The following SLC33A1 variants were observed in gnomAD, a reference collection of about 807,000 sequenced individuals.
SLC33A1 encodes acetyl-coenzyme A transporter 1.
In SLC33A1, 20 loss-of-function variants were observed where a neutral mutation model predicts 50.0. That is an observed-to-expected ratio of 0.40 (90% CI 0.28 to 0.58). SLC33A1 has a LOEUF of 0.58. Ranked by LOEUF, SLC33A1 falls within the 20% of genes least tolerant of loss-of-function variation. The probability of loss-of-function intolerance (pLI) is 0.44; values close to 1 mark genes in which losing one functional copy is unlikely to be tolerated. For missense variants in SLC33A1, 476 were observed against 657.0 expected (o/e 0.72, Z 3.01); for synonymous variants, 265 against 251.8 (o/e 1.05, Z -0.50).
chr3:155,842,583 G>T lies in SLC33A1; in HGVS notation c.812C>A (p.Thr271Lys). 1 of 1,587,160 alleles carries T rather than the reference G, an allele frequency of 6.3e-7. No individual in the cohort carries two copies. Among genetic ancestry groups the T allele is most frequent in the South Asian group, 1.2e-5 (1 of 85,158 alleles). Residue 271 changes from threonine (T) to lysine (K), a missense_variant, in exon 2 of 6, where the codon ACA (threonine) becomes AAA (lysine). By Grantham distance (78) the Thr-to-Lys change is moderately conservative. Coordinates refer to ENST00000643144, the MANE Select transcript of SLC33A1 (RefSeq NM_004733.4). ...TTTCAGAAGGGCAACCAATGTTGTT[G>T]TTATTAAAAATACAGTTCCCCAGAA... ...LFFWGTVFLI[T>K]TTLVALLKKE...
intron 1 of SLC33A1, among the ~76,000 whole-genome samples, chr3:155,843,157 A>G (rs1752997047): frequency 6.6e-6 from 1 of 152,176 alleles, no homozygotes; most frequent in Admixed American, 6.5e-5. Context: ...GGGGGTGGTG[A>G]GACATTACAT....
At chr3:155,834,884 G>A (rs1752587691) in intron 2 of SLC33A1, among the ~76,000 whole-genome samples, 1 of 152,066 alleles carries the variant, frequency 6.6e-6, no homozygotes, top group Non-Finnish European at 1.5e-5. Flanking sequence ...CCATTCTACA[G>A]CATAATTGGC....
chr3:155,853,925 T>C lies in SLC33A1; in HGVS notation c.73A>G (p.Met25Val), dbSNP rs1753521036. 1.9e-6 allele frequency: 3 copies of C among 1,541,490 alleles called. No homozygotes were observed. Among genetic ancestry groups the C allele is most frequent in the Middle Eastern group, 1.8e-4 (1 of 5,710 alleles). Reference protein sequence around the residue: ...RPGNFSHSLDMKSGPLPPGGW... With the variant: ...RPGNFSHSLDVKSGPLPPGGW... ...CCTGGCGGCAGGGGACCGCTCTTCA[T>C]ATCCAGAGAGTGACTGAAATTCCCT... The change falls in exon 1 of 6, where the codon ATG becomes GTG. Residue 25 changes from methionine to valine, a missense_variant. Met to Val is a conservative substitution (Grantham distance 21). Transcript: ENST00000643144.
intron 1 of SLC33A1, chr3:155,844,610 C>T (rs867665682): frequency 1.3e-5 from 2 of 150,908 alleles, no homozygotes; most frequent in African/African-American, 4.9e-5. Context: ...AGATTACAGG[C>T]ATGTGTGCCA....
At chr3:155,834,651 T>C (rs1752579674) in intron 2 of SLC33A1, among the ~76,000 whole-genome samples, 1 of 152,182 alleles carries the variant, frequency 6.6e-6, no homozygotes, top group Non-Finnish European at 1.5e-5. Context: ...TATCTCCCCA[T>C]GAGTCAGTTT....
chr3:155,848,314 T>C (rs934119273), intron 1 of SLC33A1, among the ~76,000 whole-genome samples: 2 of 152,188 alleles, frequency 1.3e-5, no homozygotes, highest in Admixed American at 1.3e-4. Flanking sequence ...GACATGTTTT[T>C]ATATGAGCCT....
chr3:155,853,753 TAAAG>T lies in SLC33A1; in HGVS notation c.241_244del (p.Leu81ThrfsTer70). On this transcript the variant is annotated frameshift_variant, in exon 1 of 6. Coordinates refer to ENST00000643144, the MANE Select transcript of SLC33A1 (RefSeq NM_004733.4). LOFTEE classifies it high-confidence loss of function. ...GCCCAGGGGAATACCCTGAAGCACGTAAAGAAAGAGTAGTAGCAAAATGCTGCTT... is the reference window on the plus strand; with the variant it reads ...GCCCAGGGGAATACCCTGAAGCACGTAAAGAGTAGTAGCAAAATGCTGCTT... The T allele has an allele frequency of 6.2e-7, 1 of 1,613,928 alleles. No homozygotes were observed. The highest frequency in any genetic ancestry group is 1.1e-5 in the South Asian group (1 of 91,082).
chr3:155,846,869 T>A (rs1261530574), intron 1 of SLC33A1, among the ~76,000 whole-genome samples: 1 of 152,166 alleles, frequency 6.6e-6, no homozygotes, highest in African/African-American at 2.4e-5. Context: ...TGTGTCTTCC[T>A]AAAGAATTCA....
rs1400178912 is a variant in SLC33A1 at position 155,853,618 on chromosome 3, G to T, written c.380C>A (p.Pro127Gln). The T allele has an allele frequency of 2.5e-6, 4 of 1,614,156 alleles. No individual in the cohort carries two copies. The highest frequency in any genetic ancestry group is 3.4e-6 in the Non-Finnish European group (4 of 1,180,026). Residue 127 changes from proline (P) to glutamine (Q), a missense_variant, in exon 1 of 6, where the codon CCG becomes CAG. Coordinates refer to ENST00000643144, the MANE Select transcript of SLC33A1 (RefSeq NM_004733.4). ...CTTAACGTAGACCGCATCAACCAAC[G>T]GGGCCCAGAGTAATTTGAGACTGAA... ...WPFSLKLLWA[P>Q]LVDAVYVKNF...
chr3:155,832,105 C>G (rs1290843209), intron 4 of SLC33A1, among the ~76,000 whole-genome samples: 1 of 152,194 alleles, frequency 6.6e-6, no homozygotes, highest in Non-Finnish European at 1.5e-5. Flanking sequence ...GGGCCAGGCG[C>G]GGTGGCTCAT....
intron 2 of SLC33A1, among the ~76,000 whole-genome samples, chr3:155,838,980 C>G (rs2107968827): frequency 6.6e-6 from 1 of 151,032 alleles, no homozygotes; most frequent in African/African-American, 2.5e-5. Flanking sequence ...TGGTGAAACT[C>G]TGTCTCTACT....
chr3:155,849,416 G>A (rs1339457585), intron 1 of SLC33A1, among the ~76,000 whole-genome samples: 1 of 151,988 alleles, frequency 6.6e-6, no homozygotes, highest in East Asian at 1.9e-4. Flanking sequence ...AAAGAACAAT[G>A]TTATAAATGT....
In SLC33A1 at chr3:155,842,545, C is replaced by T. The variant is rs377484298; in HGVS notation, c.850G>A (p.Val284Ile). ...LVALLKKENE[V>I]SVVKEETQGI... ...TGTGTTTCTTCTTTTACTACTGATA[C>T]TTCGTTTTCTTTTTTCAGAAGGGCA... Residue 284 changes from valine (V) to isoleucine (I), a missense_variant, in exon 2 of 6, where the codon GTA (valine) becomes ATA (isoleucine). Transcript: ENST00000643144. 19 of 1,605,126 alleles carry T rather than the reference C, an allele frequency of 1.2e-5. No individual in the cohort carries two copies. The African/African-American group carries it at 2.3e-4, about 19-fold the overall frequency.
At chr3:155,838,810 A>G (rs931935996) in intron 2 of SLC33A1, among the ~76,000 whole-genome samples, 3 of 151,916 alleles carry the variant, frequency 2.0e-5, no homozygotes, top group African/African-American at 7.3e-5. Context: ...TGACCATGCC[A>G]CAGCACTCCA....
chr3:155,846,073 G>A (rs577913115), intron 1 of SLC33A1, among the ~76,000 whole-genome samples: 17 of 152,286 alleles, frequency 1.1e-4, no homozygotes, highest in Non-Finnish European at 2.2e-4. Context: ...GTGCTTTCAC[G>A]AATGCAGAAA....
At chr3:155,852,824 T>C (rs1301856691) in intron 1 of SLC33A1, among the ~76,000 whole-genome samples, 2 of 152,202 alleles carry the variant, frequency 1.3e-5, no homozygotes, top group Admixed American at 1.3e-4. Context: ...ACTAGAAGGC[T>C]GGATTCTGGG....
rs778432020 is a variant in SLC33A1 at position 155,829,678 on chromosome 3, A to G, written c.1482+10T>C. On this transcript the variant is annotated intron_variant, in intron 5 of 5. Coordinates refer to ENST00000643144, the MANE Select transcript of SLC33A1 (RefSeq NM_004733.4). ...TAGCTTAATGTTATCTAAAATTAAA[A>G]CATACTTACCTCAACAGCATCAGGT... 8.2e-6 allele frequency: 13 copies of G among 1,588,802 alleles called. No homozygotes were observed. The Admixed American group carries it at 1.8e-4, about 22-fold the overall frequency.
rs1333507231 is a variant in SLC33A1, at chr3:155,854,097, C to T, written c.-100G>A. On this transcript the variant is annotated 5_prime_UTR_variant, in exon 1 of 6. Transcript: ENST00000643144. ...AGGCTGTCGCGCTGGACCAGGGTTT[C>T]GGTGGTTCACGGGATGGTGGCAGGG... is the stretch of plus-strand genomic sequence containing the variant. 2.2e-6 allele frequency: 2 copies of T among 920,624 alleles called. No homozygotes were observed. The highest frequency in any genetic ancestry group is 1.7e-5 in the African/African-American group (1 of 60,480). 57.0% of individuals were successfully genotyped at this position (920,624 alleles called of 1,614,324 possible).
Position 155,853,416 on chromosome 3 carries a change from G to T in SLC33A1, c.582C>A (p.Asp194Glu), listed in dbSNP as rs1450171977. ...FLFEFLAATQ[D>E]IAVDGWALTM... The stretch of plus-strand genomic sequence containing the variant: ...TTAACGCCCAACCATCGACGGCAAT[G>T]TCCTGAGTGGCGGCCAAGAATTCAA... The change falls in exon 1 of 6, where the codon GAC becomes GAA. Residue 194 changes from aspartate (D) to glutamate (E), a missense_variant. Transcript: ENST00000643144. 3 of 1,614,080 alleles carry T rather than the reference G, an allele frequency of 1.9e-6. No homozygotes were observed. Among genetic ancestry groups the T allele is most frequent in the Non-Finnish European group, 2.5e-6 (3 of 1,180,034 alleles).
Sources: allele counts gnomAD v4.1 joint callset (sites outside exome capture counted in the v4.1 genomes callset), GRCh38; gene constraint gnomAD v4.1.1; transcripts MANE v1.5; gene names NCBI Gene and HGNC (gene_info 2026-07-23, HGNC 2026-07-21).